DLGAP4: variants seen among roughly 807,000 people sequenced by gnomAD.
The protein encoded by DLGAP4 is disks large-associated protein 4.
In DLGAP4, 18 loss-of-function variants were observed where a neutral mutation model predicts 86.9. The ratio of observed to expected loss-of-function variants is 0.21; its 90% confidence interval spans 0.14 to 0.31. DLGAP4 has a LOEUF of 0.31. Among genes scored for constraint, DLGAP4 ranks in the 10% least tolerant of loss-of-function variants. DLGAP4 has a pLI of 1.00. For synonymous variants in DLGAP4, 548 were observed against 574.3 expected, an observed-to-expected ratio of 0.95 and a Z score of 0.65; for missense variants, 1,085 against 1,362.6, an observed-to-expected ratio of 0.80 and a Z score of 3.21.
intron 7 of DLGAP4, among the ~76,000 whole-genome samples, chr20:36,472,262 G>A (rs942814307): frequency 6.6e-6 from 1 of 152,182 alleles, no homozygotes; most frequent in African/African-American, 2.4e-5. Flanking sequence ...AGCACTTTGG[G>A]AAGCCAAGAC....
chr20:36,478,170 C>T (rs2147695388), intron 7 of DLGAP4, among the ~76,000 whole-genome samples: 1 of 152,322 alleles, frequency 6.6e-6, no homozygotes, highest in African/African-American at 2.4e-5. Flanking sequence ...CAGCAAATAT[C>T]TTGCACTGGG....
At chr20:36,501,599 G>T (rs1420530760) in intron 10 of DLGAP4, among the ~76,000 whole-genome samples, 2 of 152,162 alleles carry the variant, frequency 1.3e-5, no homozygotes, top group Non-Finnish European at 1.5e-5. Context: ...GTCCTGGGAA[G>T]CTCCAGGCTG....
chr20:36,516,349 G>A (rs2037035293), intron 10 of DLGAP4, among the ~76,000 whole-genome samples: 1 of 151,990 alleles, frequency 6.6e-6, no homozygotes, highest in Non-Finnish European at 1.5e-5. Flanking sequence ...CTAGTACTTC[G>A]CATGCCATGC....
chr20:36,420,082 C>A (rs2032778917), intron 2 of DLGAP4, among the ~76,000 whole-genome samples: 1 of 152,228 alleles, frequency 6.6e-6, no homozygotes, highest in African/African-American at 2.4e-5. Flanking sequence ...CCCCACTAGC[C>A]TGATTGGCTT....
At chr20:36,442,843 C>T (rs1483272593) in intron 6 of DLGAP4, 66 bp downstream of exon 6, 18 of 1,604,980 alleles carry the variant, frequency 1.1e-5, no homozygotes, top group Non-Finnish European at 1.5e-5. Flanking sequence ...TAGGCCTGCC[C>T]TCTGAGTGGT....
At chr20:36,511,287 C>T (rs2036679629) in intron 10 of DLGAP4, among the ~76,000 whole-genome samples, 1 of 152,174 alleles carries the variant, frequency 6.6e-6, no homozygotes, top group Non-Finnish European at 1.5e-5. Context: ...ATTACAGCCT[C>T]AGCCTCCTGG....
chr20:36,508,804 G>GTACT (rs1435764528), intron 10 of DLGAP4: 1 of 152,230 alleles, frequency 6.6e-6, no homozygotes, highest in Non-Finnish European at 1.5e-5. Flanking sequence ...CTTCTCTGGA[G>GTACT]TACTTACCTT....
In DLGAP4 at chr20:36,526,896, C is replaced by T. The variant is rs866909761; in HGVS notation, c.2844C>T (p.Ala948=). The T allele has an allele frequency of 6.2e-7, 1 of 1,613,290 alleles. No individual in the cohort carries two copies. The highest frequency in any genetic ancestry group is 8.5e-7 in the Non-Finnish European group (1 of 1,179,802). The part of the protein sequence containing the change: ...PAVSRDKASD[A]SDKQRQEARK... ...TGAGCCGCGACAAGGCCTCAGACGC[C>T]AGCGACAAGCAGCGCCAGGAGGCCC... Residue 948 remains alanine, a synonymous_variant, in exon 13 of 13, where the codon GCC becomes GCT. Coordinates refer to ENST00000339266, the MANE Select transcript of DLGAP4 (RefSeq NM_001365621.2).
At chr20:36,349,326 G>A (rs1393418344) in intron 1 of DLGAP4, among the ~76,000 whole-genome samples, 1 of 151,160 alleles carries the variant, frequency 6.6e-6, no homozygotes, top group Admixed American at 6.6e-5. Context: ...GCTGAGCCAG[G>A]AGAATGGCAT....
At chr20:36,479,539 A>C (rs1757537484) in intron 7 of DLGAP4, among the ~76,000 whole-genome samples, 1 of 152,148 alleles carries the variant, frequency 6.6e-6, no homozygotes, top group Non-Finnish European at 1.5e-5. Flanking sequence ...GAGCCAGGGC[A>C]GGGGCCTGGG....
At chr20:36,497,462 G>T in intron 8 of DLGAP4, 1 of 1,045,308 alleles carries the variant, frequency 9.6e-7, no homozygotes, top group Non-Finnish European at 1.2e-6. Flanking sequence ...CTCGGGTGCG[G>T]AGGCCATAGC....
intron 7 of DLGAP4, among the ~76,000 whole-genome samples, chr20:36,458,688 A>G (rs1042808432): frequency 1.3e-5 from 2 of 151,580 alleles, no homozygotes; most frequent in African/African-American, 4.9e-5. Context: ...ACAGAATGAG[A>G]CTCCGTCTCA....
chr20:36,401,863 G>A (rs998292349), intron 2 of DLGAP4, among the ~76,000 whole-genome samples: 1 of 152,196 alleles, frequency 6.6e-6, no homozygotes, highest in Non-Finnish European at 1.5e-5. Context: ...GACCTGAATC[G>A]GGAAAAGTAT....
In DLGAP4 at chr20:36,372,231, G is replaced by A. The variant is rs144665102; in HGVS notation, c.-73+4956G>A. ...TGACGGTGCTGCTGCTGTTATGACT[G>A]TGACTGCTAAAGGTGGCACCTACCG... On this transcript the variant is annotated intron_variant, in intron 2 of 12. Transcript: ENST00000339266. Among the ~76,000 whole-genome samples, 1,089 of 152,320 alleles carry A rather than the reference G, an allele frequency of 7.1e-3. 15 individuals are homozygous for A. Among genetic ancestry groups the A allele is most frequent in the African/African-American group, 0.025 (1,046 of 41,568 alleles).
intron 2 of DLGAP4, among the ~76,000 whole-genome samples, chr20:36,409,771 A>C (rs761754977): frequency 7.3e-5 from 11 of 151,624 alleles, no homozygotes; most frequent in Admixed American, 2.6e-4. Flanking sequence ...CAGTGGCTCA[A>C]GCCTGTAATC....
chr20:36,451,135 G>C (rs532318872), intron 7 of DLGAP4, among the ~76,000 whole-genome samples: 1 of 152,048 alleles, frequency 6.6e-6, no homozygotes, highest in Admixed American at 6.5e-5. Flanking sequence ...AGCCTAAGCT[G>C]GTCAATTTTA....
chr20:36,511,507 T>C (rs1159767566), intron 10 of DLGAP4, among the ~76,000 whole-genome samples: 1 of 152,252 alleles, frequency 6.6e-6, no homozygotes, highest in East Asian at 1.9e-4. Context: ...CCTGGCCTCC[T>C]GCATATTTTT....
At chr20:36,351,224 G>A (rs1804336185) in intron 1 of DLGAP4, among the ~76,000 whole-genome samples, 1 of 152,154 alleles carries the variant, frequency 6.6e-6, no homozygotes, top group Admixed American at 6.5e-5. Context: ...CAAGACCTGG[G>A]GTGTCATCCG....
intron 2 of DLGAP4, among the ~76,000 whole-genome samples, chr20:36,409,853 G>T (rs2032443030): frequency 6.6e-6 from 1 of 151,658 alleles, no homozygotes; most frequent in Non-Finnish European, 1.5e-5. Flanking sequence ...CTAACACGGT[G>T]AAACCCCGTC....
Sources: allele counts gnomAD v4.1 joint callset (sites outside exome capture counted in the v4.1 genomes callset), GRCh38; gene constraint gnomAD v4.1.1; transcripts MANE v1.5; gene names NCBI Gene and HGNC (gene_info 2026-07-23, HGNC 2026-07-21).